The following SETD1B variants were observed in gnomAD, a reference collection of about 807,000 sequenced individuals.
SETD1B encodes SET domain containing 1B, histone lysine methyltransferase, also known as histone-lysine N-methyltransferase SETD1B.
Under a neutral mutation model 148.0 loss-of-function variants are expected in SETD1B, and 7 were observed. That is an observed-to-expected ratio of 0.05 (90% CI 0.03 to 0.09). The LOEUF (loss-of-function observed/expected upper bound fraction) is 0.09, where lower values mean the gene tolerates loss of function less well. Among genes scored for constraint, SETD1B ranks in the 10% least tolerant of loss-of-function variants. SETD1B has a pLI of 1.00. For missense variants in SETD1B, 2,155 were observed against 2,729.9 expected (o/e 0.79, Z 4.69); for synonymous variants, 1,361 against 1,186.5 (o/e 1.15, Z -3.02).
chr12:121,790,694 G>A, the SETD1B span, among the ~76,000 whole-genome samples: 1 of 152,140 alleles, frequency 6.6e-6, no homozygotes, highest in Non-Finnish European at 1.5e-5. Flanking sequence ...GTCAGACTGT[G>A]AGGCTAGCCA....
chr12:121,816,910 T>G, intron 7 of SETD1B, 123 bp from the exon 8 acceptor site: 2 of 834,852 alleles, frequency 2.4e-6, no homozygotes, highest in Non-Finnish European at 3.6e-6. Flanking sequence ...GTGTAGGGAA[T>G]GAGGATGCAG....
chr12:121,798,449 C>A, the SETD1B span, among the ~76,000 whole-genome samples: 2 of 152,242 alleles, frequency 1.3e-5, no homozygotes, highest in South Asian at 4.1e-4. Flanking sequence ...CCACTCCCAG[C>A]AATAACCACG....
rs1315238147 is a variant in SETD1B, at chr12:121,810,975, C to A, written c.1890+140C>A. 1 of 1,157,122 alleles carries A rather than the reference C, an allele frequency of 8.6e-7. No homozygotes were observed. Among genetic ancestry groups the A allele is most frequent in the Non-Finnish European group, 1.2e-6 (1 of 852,562 alleles). The allele number at this position is 1,157,122 out of a possible 1,614,324, so 71.7% of individuals were successfully genotyped here. A position where few individuals can be genotyped will look rare whatever the true frequency, so the allele number is the denominator to read the frequency against. On this transcript the variant is annotated intron_variant, in intron 6 of 16. Transcript: ENST00000604567. This position sits in a 1 kb window ranked among gnomAD's most constrained non-coding sequence, Gnocchi z 7.6. Reference sequence around the variant, plus strand: ...AAGCCAATATAACAGGTGGAACTTACAGAATAAAAAGGGGATGCAGAAAAC... The same window carrying A: ...AAGCCAATATAACAGGTGGAACTTAAAGAATAAAAAGGGGATGCAGAAAAC...
In SETD1B at chr12:121,814,427, C is replaced by T. The variant is rs1315742892; in HGVS notation, c.2212C>T (p.Pro738Ser). 1 of 1,433,484 alleles carries T rather than the reference C, an allele frequency of 7.0e-7. No individual in the cohort carries two copies. Among genetic ancestry groups the T allele is most frequent in the South Asian group, 1.5e-5 (1 of 68,056 alleles). 88.8% of individuals were successfully genotyped at this position (1,433,484 alleles called of 1,614,324 possible). The change falls in exon 7 of 17, where the codon CCC (proline) becomes TCC (serine). Residue 738 changes from proline (P) to serine (S), a missense_variant. Coordinates refer to ENST00000604567, the MANE Select transcript of SETD1B (RefSeq NM_001353345.2). ...PPLPAPPGVP[P>S]PPILPPLPPF... The stretch of plus-strand genomic sequence containing the variant: ...CTTGCCAGCGCCGCCTGGAGTCCCG[C>T]CCCCACCCATCCTGCCACCACTGCC...
Position 121,814,296 on chromosome 12 carries a change from C to T in SETD1B, c.2081C>T (p.Pro694Leu). The change falls in exon 7 of 17, where the codon CCA becomes CTA. Residue 694 changes from proline to leucine, a missense_variant. By Grantham distance (98) the Pro-to-Leu change is moderately conservative. Transcript: ENST00000604567. ...GGCTTCCCCCCGCTGCCCCCCCCAC[C>T]ACCACCACCCCCACCGCAGCCTGGC... is the stretch of plus-strand genomic sequence containing the variant. ...PPGFPPLPPPPPPPPPQPGFP... is the reference protein window; with the variant it reads ...PPGFPPLPPPLPPPPPQPGFP... 8.0e-7 allele frequency: 1 copy of T among 1,244,874 alleles called. No individual in the cohort carries two copies. The highest frequency in any genetic ancestry group is 1.7e-5 in the African/African-American group (1 of 59,942). The allele number at this position is 1,244,874 out of a possible 1,614,324, so 77.1% of individuals were successfully genotyped here.
intron 4 of SETD1B, 129 bp downstream of exon 4, chr12:121,806,234 T>G: frequency 4.0e-6 from 4 of 1,012,378 alleles, no homozygotes; most frequent in South Asian, 1.7e-5. Flanking sequence ...CCTTATTTCT[T>G]AGCCCCCTCC....
At position 121,817,961 on chromosome 12, in the gene SETD1B, A is replaced by G; in HGVS notation, c.3418+57A>G. ...CCCGGAGTCCCTCTTTCCCCGGGGC[A>G]GAGCCTGAGCAATTGTCAGAAATAC... On this transcript the variant is annotated intron_variant, in intron 10 of 16. Transcript: ENST00000604567. This position sits in a 1 kb window ranked among gnomAD's most constrained non-coding sequence, Gnocchi z 8.1. 1.6e-5 allele frequency: 24 copies of G among 1,456,276 alleles called. No homozygotes were observed. In the South Asian group the frequency reaches 3.3e-4, roughly 20 times the overall value. 90.2% of individuals were successfully genotyped at this position (1,456,276 alleles called of 1,614,324 possible). A position where few individuals can be genotyped will look rare whatever the true frequency, so the allele number is the denominator to read the frequency against.
chr12:121,791,111 C>T, the SETD1B span, among the ~76,000 whole-genome samples: 2 of 151,772 alleles, frequency 1.3e-5, no homozygotes, highest in Non-Finnish European at 2.9e-5. Flanking sequence ...TGGCTTCAAG[C>T]AATCCTCCTG....
rs1370535678 is a variant in SETD1B, at chr12:121,832,241, C to T, written c.*2002C>T. The T allele has an allele frequency of 1.3e-5, 2 of 152,392 alleles. No homozygotes were observed. Among genetic ancestry groups the T allele is most frequent in the Non-Finnish European group, 2.9e-5 (2 of 68,228 alleles). 9.4% of individuals were successfully genotyped at this position (152,392 alleles called of 1,614,324 possible). On this transcript the variant is annotated 3_prime_UTR_variant, in exon 17 of 17. Transcript: ENST00000604567. The stretch of plus-strand genomic sequence containing the variant: ...CCTCCCCCTGGCCTCACCTTGCTCC[C>T]AGCCATCGTGCCCAGTGTTAACCTC...
chr12:121,818,553 A>T (rs192867656), intron 10 of SETD1B, among the ~76,000 whole-genome samples: 163 of 148,368 alleles, frequency 1.1e-3, no homozygotes, highest in African/African-American at 4.0e-3. Flanking sequence ...ACAGAGTGAC[A>T]CTCCACCTCA....
rs985579950 is a variant in SETD1B, at chr12:121,804,411, C to T, written c.-15+178C>T. On this transcript the variant is annotated intron_variant, in intron 1 of 16. Coordinates refer to ENST00000604567, the MANE Select transcript of SETD1B (RefSeq NM_001353345.2). The surrounding 1 kb of genome is among the most constrained non-coding windows in gnomAD (Gnocchi z 4.6). Reference sequence around the variant, plus strand: ...GCGGGTGAGCGCCACGCCGGGCGGCCGGGCGGGCACCATGGGCCGGAGTCC... The same window carrying T: ...GCGGGTGAGCGCCACGCCGGGCGGCTGGGCGGGCACCATGGGCCGGAGTCC... 3.4e-5 allele frequency among the ~76,000 whole-genome samples: 5 copies of T among 148,348 alleles called. No individual in the cohort carries two copies. Among genetic ancestry groups the T allele is most frequent in the African/African-American group, 1.2e-4 (5 of 40,990 alleles).
chr12:121,806,578 G>GC (rs1469144585), intron 4 of SETD1B, among the ~76,000 whole-genome samples: 2 of 152,206 alleles, frequency 1.3e-5, no homozygotes, highest in African/African-American at 4.8e-5. Flanking sequence ...CCTCCTTGCT[G>GC]CCCCTTCCCC....
Position 121,810,781 on chromosome 12 carries a change from G to T in SETD1B, c.1836G>T (p.Glu612Asp). The change falls in exon 6 of 17, where the codon GAG becomes GAT. Residue 612 changes from glutamate (E) to aspartate (D), a missense_variant. Glu to Asp is a conservative substitution (Grantham distance 45, BLOSUM62 2). Coordinates refer to ENST00000604567, the MANE Select transcript of SETD1B (RefSeq NM_001353345.2). The surrounding 1 kb of genome is among the most constrained non-coding windows in gnomAD (Gnocchi z 7.6). Reference sequence around the variant, plus strand: ...CTGGGCTTCTGAGCCAGACAGCTGAGGTGGCCTTGGACCTGGTTGGAGACA... The same window carrying T: ...CTGGGCTTCTGAGCCAGACAGCTGATGTGGCCTTGGACCTGGTTGGAGACA... ...DPAGLLSQTA[E>D]VALDLVGDRT... The T allele has an allele frequency of 1.3e-6, 2 of 1,543,716 alleles. No individual in the cohort carries two copies. Among genetic ancestry groups the T allele is most frequent in the Non-Finnish European group, 1.8e-6 (2 of 1,141,676 alleles).
chr12:121,810,039 G>T lies in SETD1B; in HGVS notation c.1094G>T (p.Gly365Val), dbSNP rs375525174. 56 of 1,550,280 alleles carry T rather than the reference G, an allele frequency of 3.6e-5. 2 individuals carry two copies. Among genetic ancestry groups the T allele is most frequent in the East Asian group, 3.4e-4 (14 of 40,904 alleles). The change falls in exon 6 of 17, where the codon GGT (glycine) becomes GTT (valine). Residue 365 changes from glycine to valine, a missense_variant. Coordinates refer to ENST00000604567, the MANE Select transcript of SETD1B (RefSeq NM_001353345.2). The surrounding 1 kb of genome is among the most constrained non-coding windows in gnomAD (Gnocchi z 7.6). ...GAVGGTGGSS[G>V]PPFKAQPQDS... The stretch of plus-strand genomic sequence containing the variant: ...GTCGGCGGCACTGGGGGCAGCAGCG[G>T]TCCCCCGTTCAAGGCTCAACCACAG...
chr12:121,818,076 TG>T (rs1303663285), intron 10 of SETD1B, among the ~76,000 whole-genome samples, 172 bp downstream of exon 10: 3 of 152,280 alleles, frequency 2.0e-5, no homozygotes, highest in African/African-American at 7.2e-5. Flanking sequence ...GGGAGTGCCG[TG>T]AACATAATGG....
chr12:121,823,888 G>T lies in SETD1B; in HGVS notation c.5170+139G>T, dbSNP rs570014509. On this transcript the variant is annotated intron_variant, in intron 12 of 16. Transcript: ENST00000604567. The stretch of plus-strand genomic sequence containing the variant: ...AGCATGCACCACCGTCACTTCCCAA[G>T]CAGGGTTTGTGTCCCGGCACCATGC... The T allele has an allele frequency of 6.4e-4, 812 of 1,274,126 alleles. 1 individual carries two copies. Among genetic ancestry groups the T allele is most frequent in the Non-Finnish European group, 8.0e-4 (764 of 951,918 alleles). 78.9% of individuals were successfully genotyped at this position (1,274,126 alleles called of 1,614,324 possible).
chr12:121,825,491 GTGCAAGTGGAAGGGGAGAGGCGGGTGGGC>G, intron 13 of SETD1B, 125 bp downstream of exon 13: 3 of 676,888 alleles, frequency 4.4e-6, no homozygotes, highest in Middle Eastern at 4.6e-4. Context: ...CACACAGAGG[GTGCAAGTGGAAGGGGAGAGGCGGGTGGGC>G]GGGGCCTAGG....
chr12:121,822,960 C>A lies in SETD1B; in HGVS notation c.4381C>A (p.Pro1461Thr). 1 of 1,537,720 alleles carries A rather than the reference C, an allele frequency of 6.5e-7. No individual in the cohort carries two copies. The highest frequency in any genetic ancestry group is 8.8e-7 in the Non-Finnish European group (1 of 1,141,706). ...PTGRRDERSGPLASPVLLETG... is the reference protein window; with the variant it reads ...PTGRRDERSGTLASPVLLETG... ...TGGCCGACGCGATGAACGCTCCGGG[C>A]CCCTGGCCTCCCCGGTGCTCCTGGA... Residue 1461 changes from proline to threonine, a missense_variant, in exon 12 of 17, where the codon CCC becomes ACC. By Grantham distance (38) the Pro-to-Thr change is conservative. Coordinates refer to ENST00000604567, the MANE Select transcript of SETD1B (RefSeq NM_001353345.2).
Position 121,819,412 on chromosome 12 carries a change from G to C in SETD1B, c.3427G>C (p.Val1143Leu). The change falls in exon 11 of 17, where the codon GTG becomes CTG. Residue 1143 changes from valine (V) to leucine (L), a missense_variant. Physicochemically the swap from Val to Leu is conservative, Grantham distance 32. Around this residue, in one of 11 missense-constraint regions of SETD1B, gnomAD observed 862 missense variants for 873.8 expected, o/e 0.99. Transcript: ENST00000604567. ...CTGTGTCCCCCATCCAGAGGAGACA[G>C]TGAGCATTGTAACCTCCAAGGCCGA... ...DEGDSDEEET[V>L]SIVTSKAEAT... The C allele has an allele frequency of 3.2e-6, 5 of 1,551,962 alleles. No individual in the cohort carries two copies. Among genetic ancestry groups the C allele is most frequent in the Non-Finnish European group, 4.4e-6 (5 of 1,147,068 alleles).
Sources: gnomAD v4.1 joint callset for allele counts (sites outside exome capture counted in the v4.1 genomes callset) on GRCh38, gnomAD v4.1.1 for gene constraint, gnomAD v4.1.1 regional missense constraint, Gnocchi (gnomAD v3.1) non-coding constraint, MANE v1.5 for transcripts, NCBI Gene and HGNC (gene_info 2026-07-23, HGNC 2026-07-21) for gene names.